The following GUCY2C variants were observed in gnomAD, a reference collection of about 807,000 sequenced individuals.
GUCY2C encodes the protein guanylate cyclase 2C, also known as guanylyl cyclase C.
In GUCY2C, 118 loss-of-function variants were observed where a neutral mutation model predicts 131.1. That is an observed-to-expected ratio of 0.90 (90% CI 0.78 to 1.05). GUCY2C has a LOEUF of 1.05. Among genes scored for constraint, GUCY2C ranks in the 50% least tolerant of loss-of-function variants. GUCY2C has a pLI of 0.00. For synonymous variants in GUCY2C, 452 were observed against 457.8 expected (o/e 0.99, Z 0.16); for missense variants, 1,161 against 1,304.4 (o/e 0.89, Z 1.69).
intron 20 of GUCY2C, among the ~76,000 whole-genome samples, chr12:14,628,150 C>CT (rs113970772): frequency 0.015 from 2,266 of 152,234 alleles, 69 homozygotes; most frequent in African/African-American, 0.052. Flanking sequence ...CATGGGGTAT[C>CT]TAGAAATTAA....
intron 19 of GUCY2C, among the ~76,000 whole-genome samples, chr12:14,637,676 A>G (rs777045380): frequency 6.6e-6 from 1 of 152,110 alleles, no homozygotes; most frequent in Non-Finnish European, 1.5e-5. Context: ...CTCCAAGAAC[A>G]TACAATGGGG....
Position 14,696,255 on chromosome 12 carries a change from A to T in GUCY2C, c.194T>A (p.Val65Glu). 1 of 1,613,936 alleles carries T rather than the reference A, an allele frequency of 6.2e-7. No individual in the cohort carries two copies. Among genetic ancestry groups the T allele is most frequent in the African/African-American group, 1.3e-5 (1 of 75,046 alleles). ...ACCAGCATTTTGCAGACGTCCTCTC[A>T]CTATTTCCAGCCCCTCATTCACCGC... ...EDAVNEGLEI[V>E]RGRLQNAGLN... Residue 65 changes from valine (V) to glutamate (E), a missense_variant, in exon 1 of 27, where the codon GTG (valine) becomes GAG (glutamate). Physicochemically the swap from Val to Glu is moderately radical, Grantham distance 121. Coordinates refer to ENST00000261170, the MANE Select transcript of GUCY2C (RefSeq NM_004963.4).
intron 1 of GUCY2C, among the ~76,000 whole-genome samples, chr12:14,694,389 A>G (rs1267094540): frequency 6.6e-6 from 1 of 152,234 alleles, no homozygotes; most frequent in African/African-American, 2.4e-5. Context: ...AGTGTCAACC[A>G]TGCTAACCTC....
intron 23 of GUCY2C, 122 bp downstream of exon 23, chr12:14,620,920 A>C (rs1946882489): frequency 9.2e-6 from 7 of 760,586 alleles, no homozygotes; most frequent in Middle Eastern, 3.5e-4. Flanking sequence ...ATTTGGCAAA[A>C]AGAATTAAGA....
chr12:14,653,961 T>G (rs1947714294), intron 12 of GUCY2C, among the ~76,000 whole-genome samples: 1 of 152,232 alleles, frequency 6.6e-6, no homozygotes, highest in Admixed American at 6.5e-5. Flanking sequence ...CCTAATGCTC[T>G]TTTTATTATT....
chr12:14,639,128 T>A (rs899505206), intron 19 of GUCY2C, among the ~76,000 whole-genome samples: 5 of 152,036 alleles, frequency 3.3e-5, no homozygotes, highest in Non-Finnish European at 7.4e-5. Context: ...TGAAACCCCA[T>A]CTCTACTAAA....
At chr12:14,638,452 T>C (rs1206611416) in intron 19 of GUCY2C, among the ~76,000 whole-genome samples, 1 of 152,202 alleles carries the variant, frequency 6.6e-6, no homozygotes, top group Non-Finnish European at 1.5e-5. Flanking sequence ...ATAGCAAAGA[T>C]ACAGAATCAA....
At position 14,639,792 on chromosome 12, in the gene GUCY2C, G is replaced by T. The variant is rs183366383; in HGVS notation, c.2157+70C>A. 1.1e-4 allele frequency: 113 copies of T among 1,019,118 alleles called. No individual in the cohort carries two copies. The African/African-American group carries it at 1.5e-3, about 13-fold the overall frequency. The allele number at this position is 1,019,118 out of a possible 1,614,324, so 63.1% of individuals were successfully genotyped here. A position where few individuals can be genotyped will look rare whatever the true frequency, so the allele number is the denominator to read the frequency against. ...AACCGTAAGTGAATAAATTTTTGTT[G>T]TTTTAATCCATTACATTTATGGTAA... On this transcript the variant is annotated intron_variant, in intron 19 of 26. Coordinates refer to ENST00000261170, the MANE Select transcript of GUCY2C (RefSeq NM_004963.4).
Position 14,674,606 on chromosome 12 carries a change from G to T in GUCY2C, c.1084+19C>A. 1 of 1,611,498 alleles carries T rather than the reference G, an allele frequency of 6.2e-7. No individual in the cohort carries two copies. The stretch of plus-strand genomic sequence containing the variant: ...ACATTTCTTCACCTTGGGGTTATTT[G>T]CTCTTAGTAGACCAGTACCTTCAAA... On this transcript the variant is annotated intron_variant, in intron 8 of 26. Coordinates refer to ENST00000261170, the MANE Select transcript of GUCY2C (RefSeq NM_004963.4).
At chr12:14,670,757 C>T (rs1948089343) in intron 9 of GUCY2C, among the ~76,000 whole-genome samples, 1 of 151,858 alleles carries the variant, frequency 6.6e-6, no homozygotes, top group Non-Finnish European at 1.5e-5. Flanking sequence ...TTTCACCTTC[C>T]ACCATGATTG....
chr12:14,652,291 C>A (rs1223911460), intron 13 of GUCY2C, among the ~76,000 whole-genome samples: 1 of 152,170 alleles, frequency 6.6e-6, no homozygotes, highest in East Asian at 1.9e-4. Context: ...TCTCCTGCCT[C>A]AGCCTCCCCA....
At chr12:14,614,639 G>T (rs1946718813) in intron 26 of GUCY2C, 2 of 467,816 alleles carry the variant, frequency 4.3e-6, no homozygotes, top group Admixed American at 9.2e-5. Context: ...GGGAAGCCAA[G>T]GCTAAATACT....
intron 12 of GUCY2C, among the ~76,000 whole-genome samples, chr12:14,654,339 C>T (rs1363306976): frequency 6.6e-6 from 1 of 152,124 alleles, no homozygotes; most frequent in Non-Finnish European, 1.5e-5. Context: ...TATTTTCCAC[C>T]CTTGCTGACT....
At chr12:14,671,286 C>T (rs1286531297) in intron 9 of GUCY2C, among the ~76,000 whole-genome samples, 1 of 152,094 alleles carries the variant, frequency 6.6e-6, no homozygotes, top group Non-Finnish European at 1.5e-5. Context: ...TACAGGCATG[C>T]ACCACCATGC....
chr12:14,634,127 A>T (rs1008891001), intron 19 of GUCY2C, among the ~76,000 whole-genome samples: 11 of 152,312 alleles, frequency 7.2e-5, no homozygotes, highest in East Asian at 1.9e-4. Context: ...AATTCTAAAA[A>T]TAGCAAGAAA....
chr12:14,647,025 C>T (rs1947536246), intron 15 of GUCY2C, among the ~76,000 whole-genome samples: 1 of 152,104 alleles, frequency 6.6e-6, no homozygotes, highest in Non-Finnish European at 1.5e-5. Context: ...GGCTGTTGAG[C>T]TGAGATCAAA....
At chr12:14,685,572 G>C (rs1334619377) in intron 3 of GUCY2C, among the ~76,000 whole-genome samples, 6 of 152,178 alleles carry the variant, frequency 3.9e-5, no homozygotes, top group Admixed American at 3.3e-4. Context: ...TAATTACATT[G>C]TGTAAAATGA....
chr12:14,630,895 T>C (rs1041222945), intron 19 of GUCY2C, among the ~76,000 whole-genome samples: 1 of 152,334 alleles, frequency 6.6e-6, no homozygotes, highest in South Asian at 2.1e-4. Context: ...TTTTAATATT[T>C]GGATATACTC....
chr12:14,651,936 G>A, intron 14 of GUCY2C, 23 bp downstream of exon 14: 1 of 1,312,580 alleles, frequency 7.6e-7, no homozygotes, highest in Non-Finnish European at 1.1e-6. Context: ...ATTTCTCAAG[G>A]GTTTGAAGTA....
Sources: allele counts gnomAD v4.1 joint callset (sites outside exome capture counted in the v4.1 genomes callset), GRCh38; gene constraint gnomAD v4.1.1; transcripts MANE v1.5; gene names NCBI Gene and HGNC (gene_info 2026-07-23, HGNC 2026-07-21).